VWF: variants seen among roughly 807,000 people sequenced by gnomAD.
VWF encodes the protein von Willebrand factor.
VWF carries 176 observed loss-of-function variants against 308.6 expected under a neutral mutation model. That is an observed-to-expected ratio of 0.57 (90% CI 0.50 to 0.65). VWF has a LOEUF of 0.65. Ranked by LOEUF, VWF falls within the 30% of genes least tolerant of loss-of-function variation. VWF has a pLI of 0.00. For missense variants in VWF, 3,146 were observed against 3,648.2 expected (o/e 0.86, Z 3.55); for synonymous variants, 1,385 against 1,443.4 (o/e 0.96, Z 0.92).
intron 6 of VWF, among the ~76,000 whole-genome samples, chr12:6,092,620 T>TGAGAGTGAGAGTGAGAGTGAGAGAGAGA (rs1250915385): frequency 3.3e-5 from 3 of 89,690 alleles, no homozygotes; most frequent in African/African-American, 1.8e-4. Flanking sequence ...TGAGTGAGAG[T>TGAGAGTGAGAGTGAGAGTGAGAGAGAGA]GTGTGTGTGT....
chr12:6,050,171 T>C (rs1944493491), intron 16 of VWF, among the ~76,000 whole-genome samples: 1 of 152,146 alleles, frequency 6.6e-6, no homozygotes, highest in Non-Finnish European at 1.5e-5. Context: ...CAGAGGGCCC[T>C]CTTGCTGTTC....
At chr12:6,044,503 AC>A in intron 17 of VWF, 52 bp from the exon 18 acceptor site, 1 of 1,585,636 alleles carries the variant, frequency 6.3e-7, no homozygotes, top group Non-Finnish European at 8.6e-7. Context: ...GAATGGACCT[AC>A]CTTCCACACT....
rs527349224 is a variant in VWF, at chr12:6,069,516, G to A, written c.1156+1781C>T. Among the ~76,000 whole-genome samples the A allele has an allele frequency of 2.0e-5, 3 of 152,244 alleles. No individual in the cohort carries two copies. In the East Asian group the frequency reaches 5.8e-4, roughly 29 times the overall value. Reference sequence around the variant, plus strand: ...ATACCGCCTATTCTTCCCATCAGAAGCTCTATCTGCAGTCATCACACTGGG... The same window carrying A: ...ATACCGCCTATTCTTCCCATCAGAAACTCTATCTGCAGTCATCACACTGGG... On this transcript the variant is annotated intron_variant, in intron 10 of 51. Transcript: ENST00000261405.
intron 31 of VWF, 81 bp from the exon 32 acceptor site, chr12:6,013,726 T>C: frequency 4.6e-6 from 7 of 1,514,440 alleles, no homozygotes; most frequent in Non-Finnish European, 5.5e-6. Context: ...ATCCAGCATC[T>C]GAATACAGCC....
rs1004895842 is a variant in VWF, at chr12:6,018,282, C to T, written c.5053+83G>A. The T allele has an allele frequency of 9.9e-6, 15 of 1,511,076 alleles. No individual in the cohort carries two copies. The Admixed American group carries it at 2.0e-4, about 20-fold the overall frequency. The allele number at this position is 1,511,076 out of a possible 1,614,324, so 93.6% of individuals were successfully genotyped here. A position where few individuals can be genotyped will look rare whatever the true frequency, so the allele number is the denominator to read the frequency against. On this transcript the variant is annotated intron_variant, in intron 28 of 51. Coordinates refer to ENST00000261405, the MANE Select transcript of VWF (RefSeq NM_000552.5). ...GGGAAGCCAGGATTAGAACCCGAGT[C>T]GTATCTTGGCAGATGCATGTAGCAC...
At chr12:6,022,064 A>C (rs761236148) in intron 26 of VWF, 29 bp from the exon 27 acceptor site, 5 of 1,613,802 alleles carry the variant, frequency 3.1e-6, no homozygotes, top group Non-Finnish European at 4.2e-6. Context: ...ATTAGGAACC[A>C]AAACGCTCCC....
In VWF at chr12:6,044,355, T is replaced by C. The variant is rs1407663422; in HGVS notation, c.2378A>G (p.Gln793Arg). Residue 793 changes from glutamine to arginine, a missense_variant, in exon 18 of 52, where the codon CAG (glutamine) becomes CGG (arginine). Coordinates refer to ENST00000261405, the MANE Select transcript of VWF (RefSeq NM_000552.5). Reference sequence around the variant, plus strand: ...GCTCATGCACTCCAGGTCATAGTTCTGGCACGTTTTGGTACACTCGAGCCC... The same window carrying C: ...GCTCATGCACTCCAGGTCATAGTTCCGGCACGTTTTGGTACACTCGAGCCC... ...AEGLECTKTC[Q>R]NYDLECMSMG... 5.0e-6 allele frequency: 8 copies of C among 1,614,106 alleles called. No homozygotes were observed. The highest frequency in any genetic ancestry group is 6.8e-6 in the Non-Finnish European group (8 of 1,180,048).
intron 38 of VWF, among the ~76,000 whole-genome samples, chr12:5,988,538 A>C (rs889115395): frequency 6.6e-6 from 1 of 152,234 alleles, no homozygotes; most frequent in African/African-American, 2.4e-5. Context: ...ACAATTTTCC[A>C]ACTATCCTGA....
intron 6 of VWF, among the ~76,000 whole-genome samples, chr12:6,081,487 G>A (rs1478752400): frequency 2.6e-5 from 4 of 152,060 alleles, no homozygotes; most frequent in Non-Finnish European, 4.4e-5. Context: ...TTACAGGTAC[G>A]CGCAACCATG....
intron 5 of VWF, among the ~76,000 whole-genome samples, chr12:6,103,413 C>CAT (rs1565390949): frequency 0.017 from 2,000 of 116,730 alleles, 110 homozygotes; most frequent in African/African-American, 0.1. Flanking sequence ...TGTGTATACA[C>CAT]ACGTGTGTGT....
intron 6 of VWF, among the ~76,000 whole-genome samples, chr12:6,076,468 A>G (rs1233461837): frequency 6.6e-6 from 1 of 152,216 alleles, no homozygotes; most frequent in Admixed American, 6.5e-5. Flanking sequence ...CTTAGAATCC[A>G]TGATGTCTTT....
chr12:6,095,299 A>T, intron 6 of VWF, 161 bp downstream of exon 6: 1 of 1,110,932 alleles, frequency 9.0e-7, no homozygotes, highest in Non-Finnish European at 1.4e-6. Context: ...CAGGCTCGAG[A>T]TGTATTAGAA....
intron 6 of VWF, among the ~76,000 whole-genome samples, chr12:6,083,175 AT>A (rs1944933026): frequency 6.6e-6 from 1 of 152,040 alleles, no homozygotes; most frequent in African/African-American, 2.4e-5. Context: ...CACACCTGTA[AT>A]CCCAGCACTC....
At chr12:6,074,847 G>A (rs900323953) in intron 7 of VWF, among the ~76,000 whole-genome samples, 2 of 152,234 alleles carry the variant, frequency 1.3e-5, no homozygotes, top group Non-Finnish European at 2.9e-5. Context: ...GAGTAAGGCA[G>A]GAGGGATAGC....
At chr12:6,100,474 A>G (rs1945150519) in intron 5 of VWF, among the ~76,000 whole-genome samples, 1 of 151,370 alleles carries the variant, frequency 6.6e-6, no homozygotes, top group South Asian at 2.1e-4. Context: ...TCACAATAGC[A>G]AAGACTTGGA....
At chr12:5,952,289 C>T (rs909741594) in intron 49 of VWF, 102 bp downstream of exon 49, 3 of 1,520,064 alleles carry the variant, frequency 2.0e-6, no homozygotes, top group South Asian at 1.1e-5. Flanking sequence ...AGATGTGCCT[C>T]AGACACTGAG....
chr12:6,071,550 G>T (rs1418563420), intron 9 of VWF, among the ~76,000 whole-genome samples: 1 of 152,046 alleles, frequency 6.6e-6, no homozygotes, highest in Non-Finnish European at 1.5e-5. Context: ...ATTACCCAGG[G>T]GAAGAAACCC....
chr12:6,042,460 C>T (rs1330031819), intron 18 of VWF, among the ~76,000 whole-genome samples: 2 of 152,224 alleles, frequency 1.3e-5, no homozygotes, highest in African/African-American at 4.8e-5. Flanking sequence ...GTGCTGCAGG[C>T]GGCACGCTGC....
intron 48 of VWF, 23 bp downstream of exon 48, chr12:5,953,473 C>T (rs779831427): frequency 7.5e-6 from 12 of 1,602,854 alleles, no homozygotes; most frequent in Non-Finnish European, 6.8e-6. Flanking sequence ...TGTGAGGGAG[C>T]CCTGCATTCA....
Sources: allele counts gnomAD v4.1 joint callset (sites outside exome capture counted in the v4.1 genomes callset), GRCh38; gene constraint gnomAD v4.1.1; transcripts MANE v1.5; gene names NCBI Gene and HGNC (gene_info 2026-07-23, HGNC 2026-07-21).